MRRF: variants seen among roughly 807,000 people sequenced by gnomAD.
MRRF encodes the protein mitochondrial ribosome recycling factor.
In MRRF, 18 loss-of-function variants were observed where a neutral mutation model predicts 25.1. The ratio of observed to expected loss-of-function variants is 0.72; its 90% CI spans 0.50 to 1.06. The LOEUF is 1.06. MRRF is among the 50% of genes least tolerant of loss of function. The pLI, the probability that MRRF is intolerant of heterozygous loss-of-function variation, is 0.00. For synonymous variants in MRRF, 113 were observed against 112.1 expected (o/e 1.01, Z -0.05); for missense variants, 323 against 319.3 (o/e 1.01, Z -0.09).
chr9:122,274,255 A>G (rs1365185375), intron 2 of MRRF, among the ~76,000 whole-genome samples: 3 of 152,264 alleles, frequency 2.0e-5, no homozygotes, highest in East Asian at 1.9e-4. Context: ...CCACAGAGCT[A>G]TAGTAACCAA....
intron 3 of MRRF, among the ~76,000 whole-genome samples, chr9:122,281,305 G>A (rs1374705881): frequency 6.6e-6 from 1 of 152,216 alleles, no homozygotes. Flanking sequence ...TTTGCAAATT[G>A]TCATCATCCT....
intron 1 of MRRF, chr9:122,265,600 G>A (rs1355969943): frequency 2.5e-6 from 1 of 405,054 alleles, no homozygotes; most frequent in Non-Finnish European, 4.6e-6. Flanking sequence ...CCCCATTTTG[G>A]AAAGCTTTAT....
chr9:122,305,645 A>G (rs563310779), intron 5 of MRRF, among the ~76,000 whole-genome samples: 2 of 152,328 alleles, frequency 1.3e-5, no homozygotes, highest in South Asian at 2.1e-4. Flanking sequence ...CACTGGGGTC[A>G]GGTGGCTGGG....
chr9:122,308,629 G>A (rs1414536073), intron 5 of MRRF, among the ~76,000 whole-genome samples: 1 of 148,276 alleles, frequency 6.7e-6, no homozygotes, highest in Admixed American at 6.7e-5. Flanking sequence ...AACCCAGGAG[G>A]CGGAGGTGGC....
intron 2 of MRRF, among the ~76,000 whole-genome samples, chr9:122,276,591 G>T (rs1473212010): frequency 6.6e-6 from 1 of 152,200 alleles, no homozygotes; most frequent in Non-Finnish European, 1.5e-5. Context: ...TTGTTTTGGG[G>T]TTAGCTTAAT....
intron 3 of MRRF, among the ~76,000 whole-genome samples, chr9:122,281,744 A>G (rs1038964296): frequency 1.1e-4 from 16 of 152,220 alleles, no homozygotes; most frequent in Non-Finnish European, 1.6e-4. Context: ...GATACTTAAA[A>G]TTAGCCAGCA....
intron 4 of MRRF, among the ~76,000 whole-genome samples, chr9:122,286,448 T>G (rs991965597): frequency 6.6e-6 from 1 of 152,186 alleles, no homozygotes; most frequent in African/African-American, 2.4e-5. Context: ...CTCATGCCTG[T>G]AATCCCAGCA....
chr9:122,322,682 G>A lies in MRRF; in HGVS notation c.*65G>A. 1 of 1,431,148 alleles carries A rather than the reference G, an allele frequency of 7.0e-7. No individual in the cohort carries two copies. Among genetic ancestry groups the A allele is most frequent in the Non-Finnish European group, 9.8e-7 (1 of 1,018,938 alleles). 88.7% of individuals were successfully genotyped at this position (1,431,148 alleles called of 1,614,324 possible). A position where few individuals can be genotyped will look rare whatever the true frequency, so the allele number is the denominator to read the frequency against. ...TGCTGGATCCCATGGGTGGCACATTGGGACTTCTCTCCCTCCCCCATCTAC... is the reference window on the plus strand; with the variant it reads ...TGCTGGATCCCATGGGTGGCACATTAGGACTTCTCTCCCTCCCCCATCTAC... On this transcript the variant is annotated 3_prime_UTR_variant, in exon 7 of 7. Transcript: ENST00000344641.
At chr9:122,306,449 A>T (rs927783977) in intron 5 of MRRF, among the ~76,000 whole-genome samples, 1 of 152,208 alleles carries the variant, frequency 6.6e-6, no homozygotes, top group African/African-American at 2.4e-5. Context: ...TGACAGATGG[A>T]AAAACTGAGG....
At chr9:122,316,759 C>T (rs1331110783) in intron 6 of MRRF, among the ~76,000 whole-genome samples, 2 of 151,648 alleles carry the variant, frequency 1.3e-5, no homozygotes, top group African/African-American at 4.8e-5. Flanking sequence ...TTCATCCTCC[C>T]CTCCCACATT....
At chr9:122,306,429 T>C (rs1354898653) in intron 5 of MRRF, among the ~76,000 whole-genome samples, 2 of 152,188 alleles carry the variant, frequency 1.3e-5, no homozygotes, top group African/African-American at 4.8e-5. Context: ...TAAATGGTAT[T>C]ATACACATTT....
Position 122,326,463 on chromosome 9 carries a change from T to A in MRRF, c.*3846T>A, listed in dbSNP as rs1020497150. ...AACTATTCATATTCTGATGTTTGCTTTTTTTTCTTACCCTGTAACAATCAT... is the reference window on the plus strand; with the variant it reads ...AACTATTCATATTCTGATGTTTGCTATTTTTTCTTACCCTGTAACAATCAT... On this transcript the variant is annotated 3_prime_UTR_variant, in exon 7 of 7. Coordinates refer to ENST00000344641, the MANE Select transcript of MRRF (RefSeq NM_138777.5). The A allele has an allele frequency of 2.6e-5, 4 of 152,074 alleles. No homozygotes were observed. The highest frequency in any genetic ancestry group is 6.5e-5 in the Admixed American group (1 of 15,270). The allele number at this position is 152,074 out of a possible 1,614,324, so 9.4% of individuals were successfully genotyped here. A position where few individuals can be genotyped will look rare whatever the true frequency, so the allele number is the denominator to read the frequency against.
intron 6 of MRRF, among the ~76,000 whole-genome samples, chr9:122,313,731 A>C (rs1421919134): frequency 6.6e-6 from 1 of 152,172 alleles, no homozygotes; most frequent in African/African-American, 2.4e-5. Flanking sequence ...TAGAAATCGG[A>C]TCCATACTTA....
At chr9:122,316,686 G>A (rs1413007660) in intron 6 of MRRF, among the ~76,000 whole-genome samples, 1 of 151,938 alleles carries the variant, frequency 6.6e-6, no homozygotes, top group African/African-American at 2.4e-5. Flanking sequence ...TCATCAGACA[G>A]TTTTAAAATT....
chr9:122,287,917 A>G (rs1468368682), intron 4 of MRRF, among the ~76,000 whole-genome samples: 4 of 152,218 alleles, frequency 2.6e-5, no homozygotes, highest in Non-Finnish European at 5.9e-5. Flanking sequence ...AGCTGACCGT[A>G]GAGTACCCAG....
intron 4 of MRRF, among the ~76,000 whole-genome samples, chr9:122,290,378 T>G (rs961692307): frequency 6.6e-6 from 1 of 152,176 alleles, no homozygotes; most frequent in Non-Finnish European, 1.5e-5. Context: ...TGGCCAGAGG[T>G]ACTATTTTAA....
At chr9:122,321,604 A>T (rs150541048) in intron 6 of MRRF, among the ~76,000 whole-genome samples, 11 of 152,352 alleles carry the variant, frequency 7.2e-5, no homozygotes, top group Admixed American at 2.0e-4. Flanking sequence ...ATTTCATCAT[A>T]GCTTGCTGGC....
intron 1 of MRRF, among the ~76,000 whole-genome samples, chr9:122,270,499 A>C (rs1832382143): frequency 6.6e-6 from 1 of 152,216 alleles, no homozygotes; most frequent in South Asian, 2.1e-4. Context: ...TTCCCTCTTT[A>C]AACTTTATCA....
At chr9:122,276,926 T>A (rs1209961577) in intron 2 of MRRF, among the ~76,000 whole-genome samples, 1 of 152,194 alleles carries the variant, frequency 6.6e-6, no homozygotes, top group Non-Finnish European at 1.5e-5. Context: ...AGCAGTGCAA[T>A]CACAGCCCAC....
Sources: gnomAD v4.1 joint callset for allele counts (sites outside exome capture counted in the v4.1 genomes callset) on GRCh38, gnomAD v4.1.1 for gene constraint, MANE v1.5 for transcripts, NCBI Gene and HGNC (gene_info 2026-07-23, HGNC 2026-07-21) for gene names.